The following NRXN1 variants were observed in gnomAD, a reference collection of about 807,000 sequenced individuals.
The protein encoded by NRXN1 is neurexin-1.
A neutral mutation model predicts 150.9 loss-of-function variants in NRXN1; 39 were observed. That is an observed-to-expected ratio of 0.26 (90% CI 0.20 to 0.34). NRXN1 has a LOEUF of 0.34. Ranked by LOEUF, NRXN1 falls within the 10% of genes least tolerant of loss-of-function variation. The pLI, the probability that NRXN1 is intolerant of heterozygous loss-of-function variation, is 1.00. For synonymous variants in NRXN1, 924 were observed against 757.0 expected (o/e 1.22, Z -3.62); for missense variants, 1,815 against 1,949.9 (o/e 0.93, Z 1.30).
In NRXN1 at chr2:50,523,961, A is replaced by C. The variant is rs571053252; in HGVS notation, c.2374+4664T>G. ...GAAGGTCTGCTTAAATATTTTTTTT[A>C]ACTCCAGAGTTTTTATTCTTCTAAG... On this transcript the variant is annotated intron_variant, in intron 12 of 22. Transcript: ENST00000401669. Among the ~76,000 whole-genome samples the C allele has an allele frequency of 2.6e-5, 4 of 152,302 alleles. No individual in the cohort carries two copies. The South Asian group carries it at 8.3e-4, about 32-fold the overall frequency.
chr2:50,185,030 C>G (rs565632324), intron 18 of NRXN1, among the ~76,000 whole-genome samples: 2 of 152,132 alleles, frequency 1.3e-5, no homozygotes, highest in Admixed American at 6.6e-5. Context: ...CAAACTTGCC[C>G]AGGTAGTGTG....
At chr2:50,162,205 A>G (rs2059405531) in intron 18 of NRXN1, among the ~76,000 whole-genome samples, 1 of 152,164 alleles carries the variant, frequency 6.6e-6, no homozygotes, top group Non-Finnish European at 1.5e-5. Context: ...TCAGGACAAT[A>G]AACTAAATAA....
At chr2:50,841,297 G>C (rs1439225321) in intron 5 of NRXN1, among the ~76,000 whole-genome samples, 2 of 152,116 alleles carry the variant, frequency 1.3e-5, no homozygotes, top group Non-Finnish European at 2.9e-5. Flanking sequence ...TATTGTTGAA[G>C]GAATTTGAAA....
At chr2:50,084,342 G>A (rs1384093293) in intron 19 of NRXN1, among the ~76,000 whole-genome samples, 10 of 152,168 alleles carry the variant, frequency 6.6e-5, no homozygotes, top group South Asian at 2.1e-4. Flanking sequence ...TGCAGGTTCC[G>A]AGCCCTGCCC....
At position 50,939,980 on chromosome 2, in the gene NRXN1, T is replaced by A. The variant is rs192232609; in HGVS notation, c.773-14025A>T. Among the ~76,000 whole-genome samples, 632 of 152,302 alleles carry A rather than the reference T, an allele frequency of 4.1e-3. 6 individuals are homozygous for A. The highest frequency in any genetic ancestry group is 0.01 in the Middle Eastern group (3 of 294). ...CATTGCATTTAGAATTATAAAGCCA[T>A]CAATTAAATTTTTAAATGACTTTCT... On this transcript the variant is annotated intron_variant, in intron 2 of 22. Transcript: ENST00000401669.
intron 8 of NRXN1, among the ~76,000 whole-genome samples, chr2:50,578,831 ATATTAT>A (rs1245946927): frequency 2.6e-5 from 4 of 152,164 alleles, no homozygotes; most frequent in African/African-American, 9.6e-5. Context: ...TAAATCATTC[ATATTAT>A]TATTATTTTG....
chr2:50,213,685 C>T (rs925700585), intron 18 of NRXN1, among the ~76,000 whole-genome samples: 7 of 151,678 alleles, frequency 4.6e-5, no homozygotes, highest in African/African-American at 4.8e-5. Context: ...CATGCCTCCT[C>T]GAGTCATTAG....
chr2:50,296,440 T>C (rs1443548348), intron 17 of NRXN1, among the ~76,000 whole-genome samples: 4 of 152,130 alleles, frequency 2.6e-5, no homozygotes, highest in Non-Finnish European at 5.9e-5. Context: ...GTTGGGCTTC[T>C]AGCGTGCCCA....
At chr2:49,962,125 T>C (rs1223335536) in intron 21 of NRXN1, among the ~76,000 whole-genome samples, 1 of 152,078 alleles carries the variant, frequency 6.6e-6, no homozygotes, top group Non-Finnish European at 1.5e-5. Context: ...AGGGAATAGG[T>C]ATTCAATTCT....
Position 50,411,672 on chromosome 2 carries a change from G to C in NRXN1, c.3364+53770C>G, listed in dbSNP as rs922025929. Among the ~76,000 whole-genome samples the C allele has an allele frequency of 7.6e-5, 11 of 144,576 alleles. 1 individual carries two copies. In the East Asian group the frequency reaches 2.4e-3, roughly 32 times the overall value. 94.8% of individuals were successfully genotyped at this position (144,576 alleles called of 152,430 possible). On this transcript the variant is annotated intron_variant, in intron 17 of 22. Transcript: ENST00000401669. The stretch of plus-strand genomic sequence containing the variant: ...TGAGAAGTGAGGAGCCCCTCCGCCC[G>C]GCAGCCGCCCTGTCTGGGAGGTGGG...
At chr2:50,265,175 C>T (rs573105818) in intron 17 of NRXN1, among the ~76,000 whole-genome samples, 41 of 152,162 alleles carry the variant, frequency 2.7e-4, no homozygotes, top group African/African-American at 9.6e-4. Context: ...GGCCAACTCA[C>T]CAATTCTAGG....
At chr2:50,209,372 G>A (rs1013339531) in intron 18 of NRXN1, among the ~76,000 whole-genome samples, 1 of 152,130 alleles carries the variant, frequency 6.6e-6, no homozygotes, top group Admixed American at 6.6e-5. Flanking sequence ...TACTTGTGGT[G>A]CACTAGCACT....
At chr2:50,315,255 T>A (rs1034434927) in intron 17 of NRXN1, among the ~76,000 whole-genome samples, 2 of 152,070 alleles carry the variant, frequency 1.3e-5, no homozygotes, top group Non-Finnish European at 2.9e-5. Flanking sequence ...GCTCCGTTTT[T>A]CTCAGAATCA....
chr2:50,540,670 T>C (rs1196316902), intron 9 of NRXN1, among the ~76,000 whole-genome samples: 1 of 152,094 alleles, frequency 6.6e-6, no homozygotes, highest in Non-Finnish European at 1.5e-5. Flanking sequence ...GTTCTTTTTT[T>C]TTTTCTTTCT....
At chr2:51,015,449 T>A (rs1558589526) in intron 2 of NRXN1, among the ~76,000 whole-genome samples, 1 of 152,122 alleles carries the variant, frequency 6.6e-6, no homozygotes, top group South Asian at 2.1e-4. Flanking sequence ...GGATGGATAA[T>A]GTCTTGGGTC....
intron 18 of NRXN1, among the ~76,000 whole-genome samples, chr2:50,094,511 C>T (rs1452783): frequency 0.25 from 37,442 of 151,906 alleles, 5,043 homozygotes; most frequent in Admixed American, 0.38. Flanking sequence ...TGGGTGGCAG[C>T]GGTCAAGGTA....
chr2:50,693,829 T>C (rs1300542572), intron 5 of NRXN1, among the ~76,000 whole-genome samples: 1 of 152,210 alleles, frequency 6.6e-6, no homozygotes, highest in Non-Finnish European at 1.5e-5. Context: ...TCTCACTCTG[T>C]TGTCCAGGCT....
At chr2:50,423,222 T>A (rs1421333001) in intron 17 of NRXN1, among the ~76,000 whole-genome samples, 1 of 152,206 alleles carries the variant, frequency 6.6e-6, no homozygotes, top group African/African-American at 2.4e-5. Context: ...TCATCTGATT[T>A]ATCTAACTCT....
chr2:50,954,172 T>C (rs1691885932), intron 2 of NRXN1, among the ~76,000 whole-genome samples: 1 of 152,198 alleles, frequency 6.6e-6, no homozygotes, highest in South Asian at 2.1e-4. Context: ...ATATATCAAA[T>C]CTCACTCCTT....
Sources: gnomAD v4.1 joint callset for allele counts (sites outside exome capture counted in the v4.1 genomes callset) on GRCh38, gnomAD v4.1.1 for gene constraint, MANE v1.5 for transcripts, NCBI Gene and HGNC (gene_info 2026-07-23, HGNC 2026-07-21) for gene names.